POMGNT1: variants seen among roughly 807,000 people sequenced by gnomAD.
POMGNT1 encodes protein O-linked-mannose beta-1,2-N-acetylglucosaminyltransferase 1.
Under a neutral mutation model 95.6 loss-of-function variants are expected in POMGNT1, and 67 were observed. The ratio of observed to expected loss-of-function variants is 0.70; its 90% CI spans 0.58 to 0.86. POMGNT1 has a LOEUF of 0.86. Among genes scored for constraint, POMGNT1 ranks in the 40% least tolerant of loss-of-function variants. POMGNT1 has a pLI of 0.00. For missense variants in POMGNT1, 719 were observed against 855.2 expected, an observed-to-expected ratio of 0.84 and a Z score of 1.99; for synonymous variants, 298 against 317.9, an observed-to-expected ratio of 0.94 and a Z score of 0.66.
In POMGNT1 at chr1:46,206,515, T is replaced by C. The variant is rs1658721987; in HGVS notation, c.-50-8644A>G. Among the ~76,000 whole-genome samples the C allele has an allele frequency of 2.0e-5, 3 of 152,154 alleles. No individual in the cohort carries two copies. In the South Asian group the frequency reaches 6.2e-4, roughly 32 times the overall value. ...GAATCTCCTTGGAAGGAGAATTGGGTTTGGAGTCGCCTCTGAGGCTGCATC... is the reference window on the plus strand; with the variant it reads ...GAATCTCCTTGGAAGGAGAATTGGGCTTGGAGTCGCCTCTGAGGCTGCATC... On this transcript the variant is annotated intron_variant, in intron 1 of 22. Transcript: ENST00000371992.
chr1:46,193,014 C>A, intron 13 of POMGNT1, 56 bp from the exon 14 acceptor site: 1 of 1,609,788 alleles, frequency 6.2e-7, no homozygotes, highest in Non-Finnish European at 8.5e-7. Flanking sequence ...CCTGTGATCT[C>A]CTTTGCCCCC....
In POMGNT1 at chr1:46,189,355, A is replaced by G; in HGVS notation, c.1898T>C (p.Val633Ala). The G allele has an allele frequency of 6.2e-7, 1 of 1,613,842 alleles. No homozygotes were observed. Among genetic ancestry groups the G allele is most frequent in the Non-Finnish European group, 8.5e-7 (1 of 1,179,988 alleles). ...MVGVPASPYS[V>A]KKPPSVTPIF... is the part of the protein sequence containing the mutation. ...TGGGGTGACTGAGGGTGGCTTCTTC[A>G]CTCTGGGAAAATAATACAAGAATGT... is the stretch of plus-strand genomic sequence containing the variant. Residue 633 changes from valine (V) to alanine (A), a missense_variant and splice_region_variant, in exon 22 of 22, where the codon GTG becomes GCG. This residue lies in a region of POMGNT1 where 130 missense variants were observed against 149.2 expected (regional missense o/e 0.87). Transcript: ENST00000371984.
chr1:46,217,672 C>G (rs1055201927), intron 1 of POMGNT1, among the ~76,000 whole-genome samples: 32 of 152,042 alleles, frequency 2.1e-4, no homozygotes, highest in African/African-American at 7.2e-4. Context: ...GCCTGGCTAA[C>G]CTGGTGATGC....
intron 1 of POMGNT1, among the ~76,000 whole-genome samples, chr1:46,212,954 C>G (rs1349275044): frequency 2.0e-5 from 3 of 151,724 alleles, no homozygotes; most frequent in Non-Finnish European, 2.9e-5. Flanking sequence ...TTAGTAGAGA[C>G]GGGGTTTCAC....
chr1:46,196,907 G>A lies in POMGNT1; in HGVS notation c.236-58C>T. 1.2e-6 allele frequency: 2 copies of A among 1,614,186 alleles called. No homozygotes were observed. The highest frequency in any genetic ancestry group is 1.7e-6 in the Non-Finnish European group (2 of 1,180,030). Reference sequence around the variant, plus strand: ...CCTCAGCAGAGTCTCACCGCTTAGGGTCTGCCTGCCACTCCAGCTGTGAGA... The same window carrying A: ...CCTCAGCAGAGTCTCACCGCTTAGGATCTGCCTGCCACTCCAGCTGTGAGA... On this transcript the variant is annotated intron_variant, in intron 3 of 21. Coordinates refer to ENST00000371984, the MANE Select transcript of POMGNT1 (RefSeq NM_017739.4). This position sits in a 1 kb window ranked among gnomAD's most constrained non-coding sequence, Gnocchi z 4.4.
At chr1:46,194,069 C>A in intron 9 of POMGNT1, 144 bp from the exon 10 acceptor site, 1 of 1,539,634 alleles carries the variant, frequency 6.5e-7, no homozygotes, top group Non-Finnish European at 8.8e-7. Flanking sequence ...CTGGGCTCTC[C>A]ACACACTCAG....
At chr1:46,209,637 C>T (rs1445135804) in intron 1 of POMGNT1, among the ~76,000 whole-genome samples, 2 of 151,364 alleles carry the variant, frequency 1.3e-5, no homozygotes, top group Non-Finnish European at 1.5e-5. Flanking sequence ...CTCAGCCTCC[C>T]GAGTAGCTGG....
At chr1:46,213,551 G>T (rs1658970318) in intron 1 of POMGNT1, among the ~76,000 whole-genome samples, 1 of 151,760 alleles carries the variant, frequency 6.6e-6, no homozygotes, top group Middle Eastern at 3.4e-3. Flanking sequence ...AGGACAAGAG[G>T]GACTAAATAA....
At chr1:46,209,820 A>G (rs569175427) in intron 1 of POMGNT1, among the ~76,000 whole-genome samples, 1 of 152,126 alleles carries the variant, frequency 6.6e-6, no homozygotes, top group Admixed American at 6.5e-5. Context: ...TGTAGATGTA[A>G]ATTTTGGAAA....
upstream of POMGNT1, among the ~76,000 whole-genome samples, chr1:46,201,106 G>A (rs1658519075): frequency 6.6e-6 from 1 of 152,084 alleles, no homozygotes; most frequent in Non-Finnish European, 1.5e-5. Flanking sequence ...ACTCCAGCCT[G>A]GGCAACAGAG....
intron 1 of POMGNT1, among the ~76,000 whole-genome samples, chr1:46,215,922 A>G (rs1230344018): frequency 6.6e-6 from 1 of 152,190 alleles, no homozygotes; most frequent in Non-Finnish European, 1.5e-5. Flanking sequence ...CGACAATGGA[A>G]CAATGCCTTA....
chr1:46,194,279 C>G lies in POMGNT1; in HGVS notation c.874G>C (p.Asp292His), dbSNP rs930277247. 11 of 1,614,176 alleles carry G rather than the reference C, an allele frequency of 6.8e-6. No individual in the cohort carries two copies. The highest frequency in any genetic ancestry group is 8.5e-6 in the Non-Finnish European group (10 of 1,180,030). Residue 292 changes from aspartate to histidine, a missense_variant, in exon 9 of 22, where the codon GAC (aspartate) becomes CAC (histidine). This residue lies in a region of POMGNT1 where 466 missense variants were observed against 517.4 expected (regional missense o/e 0.90). Transcript: ENST00000371984. ...KDPTPIEFSP[D>H]PLPDNKVLNV... ...TGTCTTAAGGCCCCACTCACTGGGT[C>G]AGGGCTGAACTCGATGGGTGTGGGG... is the stretch of plus-strand genomic sequence containing the variant.
intron 1 of POMGNT1, among the ~76,000 whole-genome samples, chr1:46,212,608 G>A (rs747551983): frequency 4.0e-5 from 6 of 151,018 alleles, no homozygotes; most frequent in South Asian, 4.2e-4. Flanking sequence ...TCAGAGTCTC[G>A]CTCTGTCACC....
At chr1:46,195,712 G>T in intron 6 of POMGNT1, 99 bp downstream of exon 6, 3 of 1,103,560 alleles carry the variant, frequency 2.7e-6, no homozygotes, top group East Asian at 2.6e-5. Flanking sequence ...TTCCTTCAGA[G>T]AATCTTCCCA....
intron 15 of POMGNT1, 36 bp from the exon 16 acceptor site, chr1:46,192,472 G>A (rs1657858648): frequency 1.9e-6 from 3 of 1,614,148 alleles, no homozygotes; most frequent in Non-Finnish European, 2.5e-6. Flanking sequence ...GGTATTAGCT[G>A]AGGCCTCATA....
rs13374264 is a variant in POMGNT1 at position 46,217,342 on chromosome 1, G to A, written c.-51+2363C>T. Among the ~76,000 whole-genome samples the A allele has an allele frequency of 8.2e-3, 1,250 of 152,232 alleles. 19 individuals are homozygous for A. Among genetic ancestry groups the A allele is most frequent in the Middle Eastern group, 0.037 (11 of 294 alleles). On this transcript the variant is annotated intron_variant, in intron 1 of 22. Coordinates refer to the POMGNT1 transcript ENST00000371992. Reference sequence around the variant, plus strand: ...TTGAGGGAGTGTTTGAGGTTGACTTGCTGATAACTACATAGCAAACTAGGC... The same window carrying A: ...TTGAGGGAGTGTTTGAGGTTGACTTACTGATAACTACATAGCAAACTAGGC...
chr1:46,201,157 A>G (rs905601522), upstream of POMGNT1, among the ~76,000 whole-genome samples: 2 of 151,964 alleles, frequency 1.3e-5, no homozygotes, highest in African/African-American at 2.4e-5. Context: ...TGTTTTGTCT[A>G]TCTCTAACTT....
In POMGNT1 at chr1:46,194,931, CTG is replaced by C. The variant is rs757322014; in HGVS notation, c.563_564del (p.Thr188SerfsTer39). The C allele has an allele frequency of 3.1e-6, 5 of 1,614,166 alleles. No homozygotes were observed. The Admixed American group carries it at 8.3e-5, about 27-fold the overall frequency. ...CCCAGGCTCCTCAGCAGAGCCTTGG[CTG>C]TGTCCTTGAGGTGGAAGGAGCCCTC... ...KDEGSFHLKD[T>X]AKALLRSLGS... On this transcript the variant is annotated frameshift_variant, in exon 7 of 22. Transcript: ENST00000371984. LOFTEE classifies it high-confidence loss of function.
intron 1 of POMGNT1, among the ~76,000 whole-genome samples, chr1:46,214,539 C>T (rs905045351): frequency 2.0e-5 from 3 of 152,078 alleles, no homozygotes; most frequent in African/African-American, 4.8e-5. Flanking sequence ...GAAATAAACA[C>T]ATCATGGCGG....
Sources: gnomAD v4.1 joint callset for allele counts (sites outside exome capture counted in the v4.1 genomes callset) on GRCh38, gnomAD v4.1.1 for gene constraint, gnomAD v4.1.1 regional missense constraint, Gnocchi (gnomAD v3.1) non-coding constraint, MANE v1.5 for transcripts, NCBI Gene and HGNC (gene_info 2026-07-23, HGNC 2026-07-21) for gene names.